The following SOX5 variants were observed in gnomAD, a reference collection of about 807,000 sequenced individuals.
The protein encoded by SOX5 is SRY-box transcription factor 5, also known as transcription factor SOX-5.
SOX5 carries 9 observed loss-of-function variants against 92.0 expected under a neutral mutation model. That is an observed-to-expected ratio of 0.10 (90% CI 0.06 to 0.17). The LOEUF (loss-of-function observed/expected upper bound fraction) is 0.17. SOX5 is among the 10% of genes least tolerant of loss of function. The pLI is 1.00. For synonymous variants in SOX5, 344 were observed against 336.3 expected, an observed-to-expected ratio of 1.02 and a Z score of -0.25; for missense variants, 642 against 944.5, an observed-to-expected ratio of 0.68 and a Z score of 4.20.
chr12:23,909,223 T>C (rs1364179316), intron 1 of SOX5, among the ~76,000 whole-genome samples: 2 of 152,220 alleles, frequency 1.3e-5, no homozygotes, highest in Non-Finnish European at 2.9e-5. Context: ...AAGTACGTCA[T>C]AGAGATAAGC....
chr12:24,353,372 C>G (rs1954355694), intron 2 of SOX5, among the ~76,000 whole-genome samples: 1 of 152,178 alleles, frequency 6.6e-6, no homozygotes, highest in Non-Finnish European at 1.5e-5. Flanking sequence ...CATATTTCCT[C>G]TGTAGAACTA....
At chr12:24,253,763 C>T (rs991513398) in intron 3 of SOX5, among the ~76,000 whole-genome samples, 3 of 152,086 alleles carry the variant, frequency 2.0e-5, no homozygotes, top group Non-Finnish European at 4.4e-5. Flanking sequence ...GAAAGGATGG[C>T]GTTAGGTTTC....
intron 2 of SOX5, among the ~76,000 whole-genome samples, chr12:23,891,364 C>A (rs1020419701): frequency 1.3e-5 from 2 of 152,180 alleles, no homozygotes; most frequent in African/African-American, 4.8e-5. Context: ...TCCTCAAAGT[C>A]TTTATATGGG....
intron 1 of SOX5, among the ~76,000 whole-genome samples, chr12:24,481,890 G>A (rs1014158372): frequency 6.6e-6 from 1 of 152,126 alleles, no homozygotes; most frequent in Admixed American, 6.5e-5. Flanking sequence ...ACTGGGTTCT[G>A]AGATATATTA....
chr12:23,755,603 GTACATT>G (rs897938286), intron 4 of SOX5, 29 bp downstream of exon 4: 4 of 1,434,508 alleles, frequency 2.8e-6, no homozygotes, highest in Middle Eastern at 1.8e-4. Context: ...CTTCATTTTG[GTACATT>G]TTGGATAAAA....
At chr12:24,058,645 T>C (rs1453976358) in intron 4 of SOX5, among the ~76,000 whole-genome samples, 1 of 152,210 alleles carries the variant, frequency 6.6e-6, no homozygotes. Flanking sequence ...AAATAGTTAT[T>C]GTCTCAGGTT....
At chr12:23,618,528 C>G (rs1194092805) in intron 8 of SOX5, among the ~76,000 whole-genome samples, 1 of 152,142 alleles carries the variant, frequency 6.6e-6, no homozygotes, top group Admixed American at 6.5e-5. Context: ...TTCCAGAGTA[C>G]ATACTTGCTG....
chr12:24,369,792 A>G (rs1956540540), intron 1 of SOX5, among the ~76,000 whole-genome samples: 1 of 152,216 alleles, frequency 6.6e-6, no homozygotes, highest in Admixed American at 6.5e-5. Flanking sequence ...GGCTTCCTCT[A>G]ATCTTGACAC....
intron 4 of SOX5, among the ~76,000 whole-genome samples, chr12:24,178,328 T>C (rs1955070431): frequency 6.6e-6 from 1 of 150,716 alleles, no homozygotes. Flanking sequence ...GAAAATATCA[T>C]GAAATGAAGA....
intron 9 of SOX5, among the ~76,000 whole-genome samples, chr12:23,589,097 G>A (rs1034160660): frequency 3.3e-5 from 5 of 151,700 alleles, no homozygotes; most frequent in Non-Finnish European, 7.4e-5. Flanking sequence ...AGTGATGTGT[G>A]ACTATGCATA....
At chr12:24,070,462 T>C (rs1221465164) in intron 4 of SOX5, among the ~76,000 whole-genome samples, 1 of 152,128 alleles carries the variant, frequency 6.6e-6, no homozygotes, top group Non-Finnish European at 1.5e-5. Context: ...AAATATGGTG[T>C]GCCAAACTGA....
chr12:23,775,752 T>C (rs2095076776), intron 3 of SOX5, among the ~76,000 whole-genome samples: 1 of 152,236 alleles, frequency 6.6e-6, no homozygotes, highest in African/African-American at 2.4e-5. Flanking sequence ...CTTCTGTGTG[T>C]TTCCACTATC....
intron 10 of SOX5, among the ~76,000 whole-genome samples, chr12:23,566,043 A>G (rs971976211): frequency 6.6e-6 from 1 of 152,132 alleles, no homozygotes; most frequent in African/African-American, 2.4e-5. Flanking sequence ...CTCCTGTTTC[A>G]ATAAAAATGG....
rs141100777 is a variant in SOX5 at position 24,029,721 on chromosome 12, T to C, written c.-1-133697A>G. ...CCTTCTTATTTTACTTTTAAGTCCT[T>C]ATGCTCTTTTAAGTTCATGAAAGAA... On this transcript the variant is annotated intron_variant, in intron 4 of 4. Transcript: ENST00000446891. Among the ~76,000 whole-genome samples the C allele has an allele frequency of 1.4e-4, 21 of 152,152 alleles. No homozygotes were observed. In the East Asian group the frequency reaches 4.1e-3, roughly 29 times the overall value.
chr12:24,286,640 T>C (rs768784616), intron 2 of SOX5, among the ~76,000 whole-genome samples: 8 of 152,152 alleles, frequency 5.3e-5, no homozygotes, highest in Non-Finnish European at 1.0e-4. Flanking sequence ...TGGGCTCAGG[T>C]GATCTTCCTG....
At chr12:23,591,582 AG>A (rs1951563035) in intron 9 of SOX5, among the ~76,000 whole-genome samples, 1 of 152,162 alleles carries the variant, frequency 6.6e-6, no homozygotes, top group Non-Finnish European at 1.5e-5. Context: ...AAATGGGACC[AG>A]AATCATCATT....
At chr12:24,314,460 A>G (rs556408132) in intron 2 of SOX5, among the ~76,000 whole-genome samples, 8 of 152,252 alleles carry the variant, frequency 5.3e-5, no homozygotes, top group African/African-American at 1.9e-4. Context: ...GCACATGTAT[A>G]CATATGTAAC....
intron 4 of SOX5, among the ~76,000 whole-genome samples, chr12:23,959,040 A>T (rs1946595806): frequency 1.3e-5 from 2 of 151,880 alleles, no homozygotes; most frequent in Admixed American, 6.6e-5. Context: ...TACAATATGA[A>T]AAGACATACC....
chr12:23,856,798 G>A (rs2955530), intron 2 of SOX5, among the ~76,000 whole-genome samples: 105,341 of 151,916 alleles, frequency 0.69, 36,729 homozygotes, highest in East Asian at 0.89. Context: ...ATACATGCAA[G>A]AGAAGTTTAG....
Sources: gnomAD v4.1 joint callset for allele counts (sites outside exome capture counted in the v4.1 genomes callset) on GRCh38, gnomAD v4.1.1 for gene constraint, MANE v1.5 for transcripts, NCBI Gene and HGNC (gene_info 2026-07-23, HGNC 2026-07-21) for gene names.